RUFY1: variants seen among roughly 807,000 people sequenced by gnomAD.
RUFY1 encodes RUN and FYVE domain containing 1.
In RUFY1, 54 loss-of-function variants were observed where a neutral mutation model predicts 94.6. That is an observed-to-expected ratio of 0.57 (90% CI 0.46 to 0.72). RUFY1 has a LOEUF of 0.72. RUFY1 is among the 30% of genes least tolerant of loss of function. The pLI is 0.00. For synonymous variants in RUFY1, 396 were observed against 347.3 expected, an observed-to-expected ratio of 1.14 and a Z score of -1.56; for missense variants, 883 against 883.9, an observed-to-expected ratio of 1.00 and a Z score of 0.01.
chr5:179,573,757 C>T (rs933198329), intron 5 of RUFY1, among the ~76,000 whole-genome samples: 5 of 152,070 alleles, frequency 3.3e-5, no homozygotes, highest in African/African-American at 1.2e-4. Flanking sequence ...CTCCTGACAT[C>T]GTGATCTGCC....
At chr5:179,608,945 C>T (rs1282695771) in intron 17 of RUFY1, among the ~76,000 whole-genome samples, 5 of 146,304 alleles carry the variant, frequency 3.4e-5, no homozygotes, top group Non-Finnish European at 7.5e-5. Context: ...AAGCCGGGCG[C>T]GGTGTTTCAC....
Position 179,596,421 on chromosome 5 carries a change from G to A in RUFY1, c.1512-141G>A, listed in dbSNP as rs1295963378. On this transcript the variant is annotated intron_variant, in intron 12 of 17. Coordinates refer to ENST00000319449, the MANE Select transcript of RUFY1 (RefSeq NM_025158.5). ...GACCGTCCTGTATTCTGATTGTGGTGGAGCTGAATCTCCACGTGTTAAAAC... is the reference window on the plus strand; with the variant it reads ...GACCGTCCTGTATTCTGATTGTGGTAGAGCTGAATCTCCACGTGTTAAAAC... 3.8e-6 allele frequency: 4 copies of A among 1,055,310 alleles called. No homozygotes were observed. In the South Asian group the frequency reaches 3.9e-5, roughly 10 times the overall value. The allele number at this position is 1,055,310 out of a possible 1,614,324, so 65.4% of individuals were successfully genotyped here. A position where few individuals can be genotyped will look rare whatever the true frequency, so the allele number is the denominator to read the frequency against.
chr5:179,586,285 G>A (rs1174405302), intron 8 of RUFY1: 1 of 458,992 alleles, frequency 2.2e-6, no homozygotes, highest in Non-Finnish European at 4.4e-6. Flanking sequence ...TCAGGAGCAT[G>A]CAACCAGCCT....
intron 13 of RUFY1, chr5:179,598,198 AC>A: frequency 6.4e-6 from 1 of 155,314 alleles, no homozygotes; most frequent in South Asian, 2.0e-4. Flanking sequence ...TCAAAAAAAA[AC>A]AAAAAGCAGA....
At chr5:179,559,929 T>C (rs749923648) in intron 1 of RUFY1, 96 bp from the exon 2 acceptor site, 1 of 1,493,550 alleles carries the variant, frequency 6.7e-7, no homozygotes, top group East Asian at 2.4e-5. Context: ...GCAGACCGCC[T>C]GGCCTCCTGC....
In RUFY1 at chr5:179,605,884, T is replaced by C; in HGVS notation, c.1865T>C (p.Leu622Pro). 6.2e-7 allele frequency: 1 copy of C among 1,605,526 alleles called. No individual in the cohort carries two copies. The highest frequency in any genetic ancestry group is 8.5e-7 in the Non-Finnish European group (1 of 1,175,668). ...CTTTTTTTTTTCCTTAGGTCCAAGC[T>C]GAAGATGGAAGATATAAAAGAAGTG... is the stretch of plus-strand genomic sequence containing the variant. ...EMGLHLSQSK[L>P]KMEDIKEVNQ... Residue 622 changes from leucine to proline, a missense_variant, in exon 16 of 18, where the codon CTG (leucine) becomes CCG (proline). By Grantham distance (98) the Leu-to-Pro change is moderately conservative. Transcript: ENST00000319449.
rs529342618 is a variant in RUFY1, at chr5:179,552,841, TC to T, written c.310+1964del. On this transcript the variant is annotated intron_variant, in intron 1 of 17. Coordinates refer to ENST00000319449, the MANE Select transcript of RUFY1 (RefSeq NM_025158.5). ...ATGCATATTTGAAAAATACCTGTGT[TC>T]CATCTATGGAAGTGATAGAAACAAT... 2.3e-4 allele frequency among the ~76,000 whole-genome samples: 35 copies of T among 152,352 alleles called. 1 individual carries two copies. In the South Asian group the frequency reaches 4.8e-3, roughly 21 times the overall value.
chr5:179,607,669 G>T lies in RUFY1; in HGVS notation c.1983+10G>T, dbSNP rs1767249070. The T allele has an allele frequency of 6.2e-7, 1 of 1,607,762 alleles. No individual in the cohort carries two copies. The highest frequency in any genetic ancestry group is 1.1e-5 in the South Asian group (1 of 90,974). ...CATTTCCCGGAGAAAGGTACGTGGGGGCTCCACCCACCCTCCCAGTGCCCT... is the reference window on the plus strand; with the variant it reads ...CATTTCCCGGAGAAAGGTACGTGGGTGCTCCACCCACCCTCCCAGTGCCCT... On this transcript the variant is annotated intron_variant, in intron 17 of 17. Coordinates refer to ENST00000319449, the MANE Select transcript of RUFY1 (RefSeq NM_025158.5).
Position 179,593,488 on chromosome 5 carries a change from A to G in RUFY1, c.1256A>G (p.Lys419Arg). Residue 419 changes from lysine to arginine, a missense_variant, in exon 11 of 18, where the codon AAA (lysine) becomes AGA (arginine). Lys to Arg is a conservative substitution (Grantham distance 26, BLOSUM62 2). Coordinates refer to ENST00000319449, the MANE Select transcript of RUFY1 (RefSeq NM_025158.5). ...AAATATCCTTTTAAGGAACTGGAAA[A>G]AGAACTGGAGTTACAAATTGGAATG... Reference protein sequence around the residue: ...EEKKVRLELEKELELQIGMKT... With the variant: ...EEKKVRLELERELELQIGMKT... 1 of 1,595,358 alleles carries G rather than the reference A, an allele frequency of 6.3e-7. No individual in the cohort carries two copies. The highest frequency in any genetic ancestry group is 8.6e-7 in the Non-Finnish European group (1 of 1,162,906).
intron 2 of RUFY1, 41 bp from the exon 3 acceptor site, chr5:179,562,506 C>T (rs773347558): frequency 1.6e-6 from 2 of 1,285,574 alleles, no homozygotes; most frequent in South Asian, 1.2e-5. Context: ...AGAAATTTTG[C>T]AACCTGTTCT....
Position 179,583,073 on chromosome 5 carries a change from C to T in RUFY1, c.956+2061C>T, listed in dbSNP as rs184121114. ...ATCCCAGCACTTTGGGAGGCCAAGG[C>T]AGATGGATTACCTGAGATCAGGAGT... On this transcript the variant is annotated intron_variant, in intron 7 of 17. Transcript: ENST00000319449. Among the ~76,000 whole-genome samples the T allele has an allele frequency of 1.1e-3, 171 of 151,930 alleles. 1 individual carries two copies. Among genetic ancestry groups the T allele is most frequent in the African/African-American group, 4.0e-3 (164 of 41,456 alleles).
Position 179,569,611 on chromosome 5 carries a change from G to A in RUFY1, c.828+186G>A, listed in dbSNP as rs547669687. On this transcript the variant is annotated intron_variant, in intron 5 of 17. Transcript: ENST00000319449. The stretch of plus-strand genomic sequence containing the variant: ...AAGTTGCATAGCCAGAGGTACACAC[G>A]GAAAGCTTGGCAGGTTTGGGAACAG... Among the ~76,000 whole-genome samples, 7 of 152,174 alleles carry A rather than the reference G, an allele frequency of 4.6e-5. No individual in the cohort carries two copies. The East Asian group carries it at 7.8e-4, about 17-fold the overall frequency.
rs748511971 is a variant in RUFY1, at chr5:179,555,775, G to GCA, written c.311-4248_311-4247dup. 80 of 304,756 alleles carry GCA rather than the reference G, an allele frequency of 2.6e-4. 1 individual carries two copies. Among genetic ancestry groups the GCA allele is most frequent in the South Asian group, 1.9e-3 (80 of 42,144 alleles). 18.9% of individuals were successfully genotyped at this position (304,756 alleles called of 1,614,324 possible). A position where few individuals can be genotyped will look rare whatever the true frequency, so the allele number is the denominator to read the frequency against. On this transcript the variant is annotated intron_variant, in intron 1 of 17. Transcript: ENST00000319449. ...CCCAAGCAGCTGGGATTACAAGCAT[G>GCA]CACCACCACGCCCAGGTAATTTTTT... is the stretch of plus-strand genomic sequence containing the variant.
chr5:179,604,692 C>T lies in RUFY1; in HGVS notation c.1857-1184C>T, dbSNP rs570729869. On this transcript the variant is annotated intron_variant, in intron 15 of 17. Coordinates refer to ENST00000319449, the MANE Select transcript of RUFY1 (RefSeq NM_025158.5). ...ACTGATCTCAGCTTTTAAGAAAGAC[C>T]CAGGCCAGGCTGGGCGTGGGGGCTC... Among the ~76,000 whole-genome samples the T allele has an allele frequency of 4.7e-4, 72 of 152,242 alleles. 1 individual carries two copies. Among genetic ancestry groups the T allele is most frequent in the Non-Finnish European group, 5.9e-4 (40 of 68,012 alleles).
chr5:179,550,642 G>T lies in RUFY1; in HGVS notation c.73G>T (p.Gly25Trp). The T allele has an allele frequency of 7.0e-7, 1 of 1,428,358 alleles. No homozygotes were observed. Among genetic ancestry groups the T allele is most frequent in the South Asian group, 1.3e-5 (1 of 75,244 alleles). 88.5% of individuals were successfully genotyped at this position (1,428,358 alleles called of 1,614,324 possible). Residue 25 changes from glycine (G) to tryptophan (W), a missense_variant, in exon 1 of 18, where the codon GGG (glycine) becomes TGG (tryptophan). Physicochemically the swap from Gly to Trp is radical, Grantham distance 184. Transcript: ENST00000319449. ...ELEPELEPGP[G>W]PGSALEPGEE... is the part of the protein sequence containing the mutation. The stretch of plus-strand genomic sequence containing the variant: ...GGAGCCGGAGCTGGAGCCGGGGCCG[G>T]GGCCCGGGTCAGCGCTTGAGCCGGG...
chr5:179,607,535 A>T (rs369808630), intron 16 of RUFY1, 47 bp from the exon 17 acceptor site: 2 of 1,547,738 alleles, frequency 1.3e-6, no homozygotes, highest in African/African-American at 1.4e-5. Flanking sequence ...CCCACTCATC[A>T]GGGGCTTAGA....
chr5:179,577,507 G>T (rs1763718288), intron 6 of RUFY1, among the ~76,000 whole-genome samples: 1 of 151,032 alleles, frequency 6.6e-6, no homozygotes, highest in Admixed American at 6.6e-5. Context: ...CGGGTCTTTG[G>T]GGCTAGCGGA....
At chr5:179,576,131 A>G (rs746746535) in intron 5 of RUFY1, among the ~76,000 whole-genome samples, 3 of 152,150 alleles carry the variant, frequency 2.0e-5, no homozygotes, top group Non-Finnish European at 4.4e-5. Context: ...ATAGTTGCAT[A>G]GGTTCTGTGA....
intron 8 of RUFY1, among the ~76,000 whole-genome samples, chr5:179,589,113 T>G (rs566176384): frequency 1.3e-5 from 2 of 152,316 alleles, no homozygotes; most frequent in East Asian, 3.9e-4. Context: ...CTTTTTTCCT[T>G]ATTAGTATTA....
Sources: allele counts gnomAD v4.1 joint callset (sites outside exome capture counted in the v4.1 genomes callset), GRCh38; gene constraint gnomAD v4.1.1; transcripts MANE v1.5; gene names NCBI Gene and HGNC (gene_info 2026-07-23, HGNC 2026-07-21).